The following LUZP2 variants were observed in gnomAD, a reference collection of about 807,000 sequenced individuals.
LUZP2 encodes leucine zipper protein 2.
Under a neutral mutation model 51.6 loss-of-function variants are expected in LUZP2, and 52 were observed. The observed-to-expected ratio is 1.01, with a 90% CI of 0.81 to 1.27. The LOEUF is 1.27. LUZP2 is among the 50% of genes most tolerant of loss of function. LUZP2 has a pLI of 0.00. For synonymous variants in LUZP2, 154 were observed against 137.3 expected (o/e 1.12, Z -0.85); for missense variants, 436 against 395.4 (o/e 1.10, Z -0.87).
intron 9 of LUZP2, among the ~76,000 whole-genome samples, chr11:24,997,152 T>G (rs915410934): frequency 1.3e-5 from 2 of 150,188 alleles, no homozygotes; most frequent in Admixed American, 1.3e-4. Flanking sequence ...GATGGCTGGG[T>G]CAAATGGTAT....
At chr11:24,881,474 C>G (rs945426479) in intron 5 of LUZP2, among the ~76,000 whole-genome samples, 1 of 151,636 alleles carries the variant, frequency 6.6e-6, no homozygotes, top group Admixed American at 6.6e-5. Flanking sequence ...TGCATGAGAT[C>G]TTTATGCTCA....
chr11:24,913,189 C>T (rs923047804), intron 6 of LUZP2, among the ~76,000 whole-genome samples: 3 of 152,160 alleles, frequency 2.0e-5, no homozygotes, highest in Non-Finnish European at 4.4e-5. Context: ...GAATCTTCAT[C>T]CCCATGTCAA....
chr11:25,027,513 C>T (rs546478595), intron 9 of LUZP2, among the ~76,000 whole-genome samples: 27 of 152,158 alleles, frequency 1.8e-4, no homozygotes, highest in Non-Finnish European at 3.2e-4. Context: ...AATCATCTGG[C>T]CATTGCTGAA....
At chr11:24,678,024 G>A (rs1054986692) in intron 1 of LUZP2, among the ~76,000 whole-genome samples, 10 of 131,070 alleles carry the variant, frequency 7.6e-5, no homozygotes, top group South Asian at 2.8e-4. Flanking sequence ...GCGACAGAGC[G>A]AGACTCCGTC....
At chr11:24,928,440 G>T (rs189953535) in intron 7 of LUZP2, among the ~76,000 whole-genome samples, 71 of 152,098 alleles carry the variant, frequency 4.7e-4, no homozygotes, top group African/African-American at 1.5e-3. Flanking sequence ...ATCATAAAGG[G>T]ATGCTGGATT....
In LUZP2 at chr11:25,080,148, T is replaced by C. The variant is rs1859424648; in HGVS notation, c.*1490T>C. The C allele has an allele frequency of 6.6e-6, 1 of 152,238 alleles. No homozygotes were observed. Among genetic ancestry groups the C allele is most frequent in the Non-Finnish European group, 1.5e-5 (1 of 68,038 alleles). The allele number at this position is 152,238 out of a possible 1,614,324, so 9.4% of individuals were successfully genotyped here. On this transcript the variant is annotated 3_prime_UTR_variant, in exon 12 of 12. Coordinates refer to ENST00000336930, the MANE Select transcript of LUZP2 (RefSeq NM_001009909.4). ...CCACAATGGTTCAACTTAACGGTTT[T>C]TTCATGATTCTGTGAAAGCTTCATA...
At chr11:24,694,806 C>T (rs1282592209) in intron 1 of LUZP2, among the ~76,000 whole-genome samples, 2 of 151,528 alleles carry the variant, frequency 1.3e-5, no homozygotes, top group African/African-American at 4.8e-5. Flanking sequence ...TTATCCTCAG[C>T]AAACTAACAC....
At chr11:24,659,738 G>T (rs1295751799) in intron 1 of LUZP2, among the ~76,000 whole-genome samples, 2 of 152,014 alleles carry the variant, frequency 1.3e-5, no homozygotes, top group African/African-American at 2.4e-5. Context: ...TTTTAAAATT[G>T]TGATGTTGTA....
chr11:24,530,703 T>G (rs1850964606), intron 1 of LUZP2, among the ~76,000 whole-genome samples: 1 of 148,958 alleles, frequency 6.7e-6, no homozygotes, highest in Non-Finnish European at 1.5e-5. Context: ...TTTCATTTTT[T>G]GATCTTCATA....
chr11:25,043,941 C>CATATATCTGATATATATATAGTCCAT (rs1201753838), intron 9 of LUZP2, among the ~76,000 whole-genome samples: 17 of 69,468 alleles, frequency 2.4e-4, no homozygotes, highest in South Asian at 2.3e-3. Flanking sequence ...TAGTCCTCTA[C>CATATATCTGATATATATATAGTCCAT]ATATATCTGA....
intron 1 of LUZP2, among the ~76,000 whole-genome samples, chr11:24,699,650 T>C (rs1857360645): frequency 8.0e-6 from 1 of 125,340 alleles, no homozygotes; most frequent in Admixed American, 8.9e-5. Flanking sequence ...ACAATAGCCT[T>C]GGCCATATAT....
chr11:24,836,341 CA>C (rs1178058602), intron 5 of LUZP2, among the ~76,000 whole-genome samples: 1 of 151,522 alleles, frequency 6.6e-6, no homozygotes, highest in African/African-American at 2.4e-5. Flanking sequence ...TTTTTTATCC[CA>C]AATGGGATTT....
chr11:24,539,507 T>A (rs1199616667), intron 1 of LUZP2, among the ~76,000 whole-genome samples: 1 of 151,960 alleles, frequency 6.6e-6, no homozygotes, highest in African/African-American at 2.4e-5. Context: ...TTAAGCAGTA[T>A]CAAATCAAGC....
intron 1 of LUZP2, among the ~76,000 whole-genome samples, chr11:24,509,332 T>C (rs1057291071): frequency 6.6e-6 from 1 of 152,022 alleles, no homozygotes; most frequent in East Asian, 1.9e-4. Context: ...CTGTGAAGTA[T>C]AGTACAGTCA....
intron 5 of LUZP2, among the ~76,000 whole-genome samples, chr11:24,826,190 A>AAAAAAAAAAATATATATATAT (rs1215786412): frequency 1.5e-5 from 1 of 67,536 alleles, no homozygotes; most frequent in Non-Finnish European, 2.6e-5. Context: ...AAAAAAAAAA[A>AAAAAAAAAAATATATATATAT]ATATATATAT....
intron 4 of LUZP2, among the ~76,000 whole-genome samples, chr11:24,749,300 G>A (rs896441594): frequency 9.2e-5 from 14 of 152,178 alleles, no homozygotes; most frequent in Admixed American, 5.2e-4. Context: ...GCAGAAGTGA[G>A]TACATTTAAA....
At chr11:24,948,101 T>G (rs1296540517) in intron 7 of LUZP2, among the ~76,000 whole-genome samples, 1 of 151,844 alleles carries the variant, frequency 6.6e-6, no homozygotes, top group Non-Finnish European at 1.5e-5. Context: ...ATTGCTTATT[T>G]TTCTTAATTC....
intron 7 of LUZP2, among the ~76,000 whole-genome samples, chr11:24,974,803 G>A (rs1855839545): frequency 6.6e-6 from 1 of 151,998 alleles, no homozygotes; most frequent in Admixed American, 6.6e-5. Flanking sequence ...GTAAAAATAA[G>A]GCCAGTATAT....
chr11:24,712,507 A>C (rs1292997540), intron 1 of LUZP2, among the ~76,000 whole-genome samples: 3 of 152,210 alleles, frequency 2.0e-5, no homozygotes, highest in African/African-American at 7.2e-5. Context: ...CAAAATTACT[A>C]GGAGAAAGCA....
Sources: allele counts gnomAD v4.1 joint callset (sites outside exome capture counted in the v4.1 genomes callset), GRCh38; gene constraint gnomAD v4.1.1; transcripts MANE v1.5; gene names NCBI Gene and HGNC (gene_info 2026-07-23, HGNC 2026-07-21).